Variants in PLPP3 observed in about 807,000 individuals in gnomAD.
The protein encoded by PLPP3 is phospholipid phosphatase 3, also known as PAP2 beta.
Under a neutral mutation model 29.6 loss-of-function variants are expected in PLPP3, and 6 were observed. The observed-to-expected ratio is 0.20, with a 90% CI of 0.11 to 0.40. The LOEUF is 0.40. Among genes scored for constraint, PLPP3 ranks in the 10% least tolerant of loss-of-function variants. PLPP3 has a pLI of 1.00. For missense variants in PLPP3, 308 were observed against 407.7 expected (o/e 0.76, Z 2.11); for synonymous variants, 152 against 159.7 (o/e 0.95, Z 0.36).
Position 56,537,152 on chromosome 1 carries a change from A to AG in PLPP3, c.140-41dup, listed in dbSNP as rs937822303. 2.5e-6 allele frequency: 4 copies of AG among 1,586,590 alleles called. No individual in the cohort carries two copies. The African/African-American group carries it at 5.5e-5, about 22-fold the overall frequency. On this transcript the variant is annotated intron_variant, in intron 1 of 5. Coordinates refer to ENST00000371250, the MANE Select transcript of PLPP3 (RefSeq NM_003713.5). ...ACCATGGCATATACCAGAAAAAAAAAGAAAAAAAGGAAGGGGAAAACATCA... is the reference window on the plus strand; with the variant it reads ...ACCATGGCATATACCAGAAAAAAAAAGGAAAAAAAGGAAGGGGAAAACATCA...
intron 4 of PLPP3, among the ~76,000 whole-genome samples, chr1:56,515,322 G>A (rs896312677): frequency 1.3e-5 from 2 of 152,022 alleles, no homozygotes; most frequent in African/African-American, 2.4e-5. Flanking sequence ...GTAGGTCCTC[G>A]GAAAATGCTT....
intron 4 of PLPP3, among the ~76,000 whole-genome samples, chr1:56,518,029 T>C (rs964672206): frequency 6.6e-6 from 1 of 152,302 alleles, no homozygotes; most frequent in East Asian, 1.9e-4. Flanking sequence ...TTTACTTCTC[T>C]GGCTTTCCAC....
At position 56,531,194 on chromosome 1, in the gene PLPP3, C is replaced by A. The variant is rs118028042; in HGVS notation, c.297+5761G>T. On this transcript the variant is annotated intron_variant, in intron 2 of 5. Transcript: ENST00000371250. The stretch of plus-strand genomic sequence containing the variant: ...GTGCTCTTCCTCTGAACTCCCATAG[C>A]ACTTTATTTAGACCTCAGACAATCT... Among the ~76,000 whole-genome samples the A allele has an allele frequency of 7.3e-4, 111 of 152,312 alleles. No homozygotes were observed. The East Asian group carries it at 0.018, about 25-fold the overall frequency.
chr1:56,521,106 G>T (rs1386065754), intron 4 of PLPP3, among the ~76,000 whole-genome samples: 2 of 151,020 alleles, frequency 1.3e-5, no homozygotes, highest in Non-Finnish European at 3.0e-5. Flanking sequence ...GTGGTGGCAT[G>T]TGCCTGTGGT....
At chr1:56,549,552 GT>G (rs1269802233) in intron 1 of PLPP3, among the ~76,000 whole-genome samples, 1 of 152,176 alleles carries the variant, frequency 6.6e-6, no homozygotes, top group Non-Finnish European at 1.5e-5. Flanking sequence ...TATTTTAAGA[GT>G]TTTCATCTTT....
chr1:56,546,139 G>T (rs1415314168), intron 1 of PLPP3, among the ~76,000 whole-genome samples: 1 of 152,208 alleles, frequency 6.6e-6, no homozygotes, highest in Admixed American at 6.5e-5. Flanking sequence ...TCTTAAACCA[G>T]CTCTAAAGTG....
intron 1 of PLPP3, 110 bp from the exon 2 acceptor site, chr1:56,537,222 G>C: frequency 5.1e-6 from 6 of 1,177,648 alleles, no homozygotes; most frequent in South Asian, 1.5e-5. Context: ...AAATATCACT[G>C]AGAGTGATAA....
chr1:56,508,696 T>C (rs1343420905), intron 5 of PLPP3, among the ~76,000 whole-genome samples: 1 of 152,162 alleles, frequency 6.6e-6, no homozygotes. Context: ...CACAGACTCC[T>C]GCTTGGCACG....
At chr1:56,571,015 T>C (rs537626671) in intron 1 of PLPP3, among the ~76,000 whole-genome samples, 26 of 152,362 alleles carry the variant, frequency 1.7e-4, no homozygotes, top group African/African-American at 5.0e-4. Flanking sequence ...AACCTGTTTG[T>C]CTTGTTCCTT....
chr1:56,578,267 C>T (rs1646249627), intron 1 of PLPP3, among the ~76,000 whole-genome samples: 1 of 152,202 alleles, frequency 6.6e-6, no homozygotes, highest in South Asian at 2.1e-4. Flanking sequence ...CCTGAAGCCG[C>T]CTACCACCTG....
At chr1:56,508,173 T>C (rs1645716627) in intron 5 of PLPP3, among the ~76,000 whole-genome samples, 1 of 152,226 alleles carries the variant, frequency 6.6e-6, no homozygotes, top group South Asian at 2.1e-4. Flanking sequence ...ACACTGGAAC[T>C]GTGTTCCATC....
At chr1:56,525,802 A>G (rs1385113248) in intron 2 of PLPP3, among the ~76,000 whole-genome samples, 1 of 152,156 alleles carries the variant, frequency 6.6e-6, no homozygotes, top group Non-Finnish European at 1.5e-5. Flanking sequence ...CCACAAGGGA[A>G]GCAATAGTCT....
chr1:56,552,980 C>T (rs567708285), intron 1 of PLPP3, among the ~76,000 whole-genome samples: 1 of 152,204 alleles, frequency 6.6e-6, no homozygotes, highest in South Asian at 2.1e-4. Context: ...TTCGCTGAGC[C>T]TGTATTAGAG....
In PLPP3 at chr1:56,534,915, C is replaced by T. The variant is rs185341304; in HGVS notation, c.297+2040G>A. On this transcript the variant is annotated intron_variant, in intron 2 of 5. Coordinates refer to ENST00000371250, the MANE Select transcript of PLPP3 (RefSeq NM_003713.5). ...CAAAGAGGAGTGAGAATCAAGAGAC[C>T]TGGGTTCTAATTAAATAACTATAAG... Among the ~76,000 whole-genome samples the T allele has an allele frequency of 2.2e-3, 337 of 152,178 alleles. 1 individual carries two copies. Among genetic ancestry groups the T allele is most frequent in the Non-Finnish European group, 4.2e-3 (285 of 67,994 alleles).
intron 5 of PLPP3, among the ~76,000 whole-genome samples, chr1:56,501,018 A>C (rs973252153): frequency 2.0e-5 from 3 of 150,066 alleles, no homozygotes; most frequent in African/African-American, 5.0e-5. Flanking sequence ...AAAAAAAAAA[A>C]AAAAAAAAAA....
At chr1:56,520,910 CAAAAAAAA>C (rs1169318077) in intron 4 of PLPP3, among the ~76,000 whole-genome samples, 219 of 61,916 alleles carry the variant, frequency 3.5e-3, no homozygotes, top group African/African-American at 0.014. Context: ...GACTCCATCT[CAAAAAAAA>C]AAAAAAAAAA....
At chr1:56,557,022 G>GAAAGAAAGAAA (rs1366799695) in intron 1 of PLPP3, among the ~76,000 whole-genome samples, 1 of 13,044 alleles carries the variant, frequency 7.7e-5, no homozygotes, top group African/African-American at 2.0e-4. Flanking sequence ...GAGAGAGAGA[G>GAAAGAAAGAAA]AGAAAGAGAG....
chr1:56,524,199 G>T lies in PLPP3; in HGVS notation c.575+78C>A. ...GCCTTATTCACCCATCTAAACCAGGGCCCAGCTAGTAAGTGCTCACTGAAC... is the reference window on the plus strand; with the variant it reads ...GCCTTATTCACCCATCTAAACCAGGTCCCAGCTAGTAAGTGCTCACTGAAC... On this transcript the variant is annotated intron_variant, in intron 3 of 5. Transcript: ENST00000371250. This position sits in a 1 kb window ranked among gnomAD's most constrained non-coding sequence, Gnocchi z 4.3. 2 of 1,533,788 alleles carry T rather than the reference G, an allele frequency of 1.3e-6. No homozygotes were observed. The highest frequency in any genetic ancestry group is 1.8e-6 in the Non-Finnish European group (2 of 1,125,288).
At chr1:56,557,036 G>GAGAGAAAGAAAGAAAGAA (rs1646086692) in intron 1 of PLPP3, among the ~76,000 whole-genome samples, 5 of 9,586 alleles carry the variant, frequency 5.2e-4, no homozygotes, top group African/African-American at 9.2e-4. Flanking sequence ...AAGAGAGAGA[G>GAGAGAAAGAAAGAAAGAA]AGAGAGAGAG....
Sources: allele counts gnomAD v4.1 joint callset (sites outside exome capture counted in the v4.1 genomes callset), GRCh38; gene constraint gnomAD v4.1.1; non-coding constraint Gnocchi (gnomAD v3.1); transcripts MANE v1.5; gene names NCBI Gene and HGNC (gene_info 2026-07-23, HGNC 2026-07-21).